AWAT2: variants seen among roughly 807,000 people sequenced by gnomAD.
AWAT2 encodes 11-cis-RE-synthase.
A neutral mutation model predicts 22.3 loss-of-function variants in AWAT2; 9 were observed. The ratio of observed to expected loss-of-function variants is 0.40; its 90% CI spans 0.24 to 0.70. The LOEUF (loss-of-function observed/expected upper bound fraction) is 0.70, where lower values mean the gene tolerates loss of function less well. Ranked by LOEUF, AWAT2 falls within the 30% of genes least tolerant of loss-of-function variation. The pLI is 0.36. For synonymous variants in AWAT2, 100 were observed against 93.4 expected (o/e 1.07, Z -0.40); for missense variants, 217 against 265.9 (o/e 0.82, Z 1.28).
At position 70,049,730 on chromosome X, in the gene AWAT2, C is replaced by T. The variant is rs768318748; in HGVS notation, c.85+118G>A. The stretch of plus-strand genomic sequence containing the variant: ...CAGGCCAGAGGCTGGTGTTACCAAC[C>T]TTCCTGGTTTTACTGGAACAACCCT... On this transcript the variant is annotated intron_variant, in intron 1 of 7. Coordinates refer to ENST00000276101, the MANE Select transcript of AWAT2 (RefSeq NM_001002254.1). 1.4e-5 allele frequency: 13 copies of T among 914,678 alleles called. No homozygotes were observed. In the African/African-American group the frequency reaches 2.5e-4, roughly 18 times the overall value. 75.4% of individuals were successfully genotyped at this position (914,678 alleles called of 1,213,427 possible).
At chrX:70,047,193 A>T (rs923997580) in intron 1 of AWAT2, among the ~76,000 whole-genome samples, 7 of 112,241 alleles carry the variant, frequency 6.2e-5, no homozygotes, top group Non-Finnish European at 1.3e-4. Flanking sequence ...TAGTGTGCAC[A>T]GCCAAATTCT....
At chrX:70,044,215 T>C in intron 2 of AWAT2, 137 bp downstream of exon 2, 1 of 1,079,973 alleles carries the variant, frequency 9.3e-7, no homozygotes, top group Admixed American at 3.1e-5. Context: ...AAAGGACCCC[T>C]TCCCTCAGCC....
chrX:70,042,309 A>T lies in AWAT2; in HGVS notation c.725T>A (p.Val242Asp). 1 of 1,212,218 alleles carries T rather than the reference A, an allele frequency of 8.2e-7. No homozygotes were observed. Among genetic ancestry groups the T allele is most frequent in the Non-Finnish European group, 1.1e-6 (1 of 895,472 alleles). Residue 242 changes from valine (V) to aspartate (D), a missense_variant, in exon 6 of 8, where the codon GTC becomes GAC. Physicochemically the swap from Val to Asp is radical, Grantham distance 152. Transcript: ENST00000276101. Reference protein sequence around the residue: ...DQHIFTPGGFVNRFQKWFQSM... With the variant: ...DQHIFTPGGFDNRFQKWFQSM... ...CTGGAACCACTTCTGGAAGCGGTTG[A>T]CAAAGCCACCAGGAGTGAAAATGTG...
intron 1 of AWAT2, among the ~76,000 whole-genome samples, chrX:70,047,794 A>G (rs2020372940): frequency 9.0e-6 from 1 of 111,440 alleles, no homozygotes; most frequent in African/African-American, 3.3e-5. Flanking sequence ...CCTGCAGCCC[A>G]TATCTGCTGC....
chrX:70,046,660 C>T (rs1175350025), intron 1 of AWAT2, among the ~76,000 whole-genome samples: 1 of 111,414 alleles, frequency 9.0e-6, no homozygotes, highest in African/African-American at 3.3e-5. Flanking sequence ...CCACCTCAGC[C>T]TCCCAAAGTG....
At chrX:70,046,412 T>C (rs1279404556) in intron 1 of AWAT2, among the ~76,000 whole-genome samples, 1 of 108,609 alleles carries the variant, frequency 9.2e-6, no homozygotes, top group African/African-American at 3.4e-5. Context: ...ACTCAATTTT[T>C]TTTTTTTTTT....
At chrX:70,042,957 T>C (rs1237580673) in intron 5 of AWAT2, 112 bp downstream of exon 5, 21 of 661,867 alleles carry the variant, frequency 3.2e-5, no homozygotes, top group Non-Finnish European at 4.4e-5. Flanking sequence ...TAAGAATGTA[T>C]TGTATACTTC....
At chrX:70,048,021 A>T (rs72628847) in intron 1 of AWAT2, among the ~76,000 whole-genome samples, 1 of 29,277 alleles carries the variant, frequency 3.4e-5, no homozygotes, top group African/African-American at 1.2e-4. Flanking sequence ...CCGTGCCCCC[A>T]CCCCCCATCT....
Position 70,044,430 on chromosome X carries a change from C to T in AWAT2, c.118G>A (p.Val40Met), listed in dbSNP as rs1333423692. The change falls in exon 2 of 8, where the codon GTG becomes ATG. Residue 40 changes from valine (V) to methionine (M), a missense_variant. By Grantham distance (21) the Val-to-Met change is conservative. Coordinates refer to ENST00000276101, the MANE Select transcript of AWAT2 (RefSeq NM_001002254.1). Reference sequence around the variant, plus strand: ...ACAGGCCAGTATGGTGTGAACACCACCAGGTAGAGGTTGACAGCAATCACA... The same window carrying T: ...ACAGGCCAGTATGGTGTGAACACCATCAGGTAGAGGTTGACAGCAATCACA... ...TTVIAVNLYL[V>M]VFTPYWPVTV... 1 of 1,211,730 alleles carries T rather than the reference C, an allele frequency of 8.3e-7. No individual in the cohort carries two copies. Among genetic ancestry groups the T allele is most frequent in the Admixed American group, 2.2e-5 (1 of 46,087 alleles).
Position 70,043,481 on chromosome X carries a change from T to C in AWAT2, c.469A>G (p.Thr157Ala), listed in dbSNP as rs1214383735. ...TGTGTCCTAGGAGCCAACTTACCTG[T>C]AGACATTACATATTCTCTGAGGAAA... ...MPFLREYVMS[T>A]GACSVSRSSI... The change falls in exon 4 of 8, where the codon ACA becomes GCA. Residue 157 changes from threonine to alanine, a missense_variant. Transcript: ENST00000276101. 1 of 1,208,147 alleles carries C rather than the reference T, an allele frequency of 8.3e-7. No individual in the cohort carries two copies. The highest frequency in any genetic ancestry group is 1.8e-5 in the South Asian group (1 of 56,722).
chrX:70,043,968 G>A lies in AWAT2; in HGVS notation c.225C>T (p.His75=), dbSNP rs367546210. The change falls in exon 3 of 8, where the codon CAC becomes CAT. Residue 75 remains histidine, a synonymous_variant. Transcript: ENST00000276101. ...RGGRRFTCVR[H]WRLWKHYSDY... Reference sequence around the variant, plus strand: ...CGCTGTAGTGTTTCCACAGGCGCCAGTGCCTCACACAGGTAAACCGGCGGC... The same window carrying A: ...CGCTGTAGTGTTTCCACAGGCGCCAATGCCTCACACAGGTAAACCGGCGGC... 7 of 1,199,427 alleles carry A rather than the reference G, an allele frequency of 5.8e-6. No individual in the cohort carries two copies. In the African/African-American group the frequency reaches 1.1e-4, roughly 18 times the overall value.
intron 5 of AWAT2, 96 bp from the exon 6 acceptor site, chrX:70,042,482 C>T: frequency 1.2e-6 from 1 of 854,082 alleles, no homozygotes; most frequent in Non-Finnish European, 1.7e-6. Context: ...GGTCTGCCTA[C>T]AGGCTTCTCA....
intron 1 of AWAT2, among the ~76,000 whole-genome samples, chrX:70,047,783 G>T (rs1010438810): frequency 9.0e-6 from 1 of 111,397 alleles, no homozygotes; most frequent in African/African-American, 3.3e-5. Context: ...AGGGGCAAAC[G>T]CCTGCAGCCC....
At position 70,043,633 on chromosome X, in the gene AWAT2, C is replaced by A; in HGVS notation, c.317G>T (p.Cys106Phe). 1 of 1,210,469 alleles carries A rather than the reference C, an allele frequency of 8.3e-7. No homozygotes were observed. The highest frequency in any genetic ancestry group is 1.1e-6 in the Non-Finnish European group (1 of 894,992). The part of the protein sequence containing the change: ...ICPSRNYILV[C>F]HPHGLFAHGW... The stretch of plus-strand genomic sequence containing the variant: ...ATGGGCAAAGAGCCCATGAGGGTGG[C>A]AGACGAGGATGTAGTTGCGGCTGGG... Residue 106 changes from cysteine to phenylalanine, a missense_variant, in exon 4 of 8, where the codon TGC (cysteine) becomes TTC (phenylalanine). Physicochemically the swap from Cys to Phe is radical, Grantham distance 205 (BLOSUM62 -2). Coordinates refer to ENST00000276101, the MANE Select transcript of AWAT2 (RefSeq NM_001002254.1).
At chrX:70,042,861 G>A in intron 5 of AWAT2, 1 of 408,880 alleles carries the variant, frequency 2.4e-6, no homozygotes, top group Non-Finnish European at 3.9e-6. Context: ...CCCAGAGGTG[G>A]CTTTCCTCCT....
chrX:70,048,678 T>C (rs1395533924), intron 1 of AWAT2, among the ~76,000 whole-genome samples: 1 of 112,091 alleles, frequency 8.9e-6, no homozygotes, highest in Admixed American at 9.5e-5. Context: ...TTAAGGACGT[T>C]CAAAATGAGG....
intron 1 of AWAT2, among the ~76,000 whole-genome samples, chrX:70,047,065 A>G (rs1432353334): frequency 1.8e-5 from 2 of 112,225 alleles, no homozygotes. Context: ...GGGAAAGGAA[A>G]TATAATCTTG....
At chrX:70,043,337 C>CT (rs1191291603) in intron 4 of AWAT2, 94 bp from the exon 5 acceptor site, 1 of 1,033,520 alleles carries the variant, frequency 9.7e-7, no homozygotes, top group Non-Finnish European at 1.3e-6. Context: ...TGCAAGGAGC[C>CT]TAACATCAGG....
chrX:70,044,387 G>C lies in AWAT2; in HGVS notation c.161C>G (p.Thr54Ser). 1 of 1,211,823 alleles carries C rather than the reference G, an allele frequency of 8.3e-7. No individual in the cohort carries two copies. Among genetic ancestry groups the C allele is most frequent in the Non-Finnish European group, 1.1e-6 (1 of 895,512 alleles). ...PYWPVTVLIL[T>S]WLAFDWKTPQ... ...GGTCTTCCAGTCAAAAGCCAGCCAG[G>C]TAAGAATAAGCACAGTGACAGGCCA... Residue 54 changes from threonine to serine, a missense_variant, in exon 2 of 8, where the codon ACC becomes AGC. Thr to Ser is a moderately conservative substitution (Grantham distance 58). Coordinates refer to ENST00000276101, the MANE Select transcript of AWAT2 (RefSeq NM_001002254.1).
Sources: gnomAD v4.1 joint callset for allele counts (sites outside exome capture counted in the v4.1 genomes callset) on GRCh38, gnomAD v4.1.1 for gene constraint, MANE v1.5 for transcripts, NCBI Gene and HGNC (gene_info 2026-07-23, HGNC 2026-07-21) for gene names.